The following ABCB9 variants were observed in gnomAD, a reference collection of about 807,000 sequenced individuals.
The protein encoded by ABCB9 is ABC-type oligopeptide transporter ABCB9.
Under a neutral mutation model 62.0 loss-of-function variants are expected in ABCB9, and 36 were observed. The observed-to-expected ratio is 0.58, with a 90% confidence interval of 0.45 to 0.77. The LOEUF (loss-of-function observed/expected upper bound fraction) is 0.77. Ranked by LOEUF, ABCB9 falls within the 30% of genes least tolerant of loss-of-function variation. The probability of loss-of-function intolerance (pLI) is 0.00; values close to 1 mark genes in which losing one functional copy is unlikely to be tolerated. For missense variants in ABCB9, 943 were observed against 1,054.7 expected, an observed-to-expected ratio of 0.89 and a Z score of 1.47; for synonymous variants, 435 against 461.4, an observed-to-expected ratio of 0.94 and a Z score of 0.73.
At chr12:122,965,424 G>A (rs1414831640) in intron 1 of ABCB9, among the ~76,000 whole-genome samples, 3 of 152,210 alleles carry the variant, frequency 2.0e-5, no homozygotes. Flanking sequence ...CTGGGTGGGA[G>A]GGCCTGACTG....
downstream of ABCB9, among the ~76,000 whole-genome samples, chr12:122,926,683 G>A (rs886279654): frequency 2.0e-5 from 3 of 151,328 alleles, no homozygotes; most frequent in African/African-American, 7.3e-5. Flanking sequence ...GAGGCCAGGG[G>A]TTTGAGACCA....
At chr12:122,933,703 C>T (rs562643353) in intron 10 of ABCB9, among the ~76,000 whole-genome samples, 8 of 151,672 alleles carry the variant, frequency 5.3e-5, no homozygotes, top group Middle Eastern at 3.2e-3. Flanking sequence ...AAGTTCATAT[C>T]GAGGTAATTT....
At chr12:122,948,902 GCCTCTGAGA>G in intron 4 of ABCB9, 73 bp from the exon 5 acceptor site, 1 of 1,313,424 alleles carries the variant, frequency 7.6e-7, no homozygotes, top group East Asian at 2.9e-5. Flanking sequence ...ATGCTAAGGG[GCCTCTGAGA>G]CAGACACTGG....
intron 2 of ABCB9, 163 bp from the exon 3 acceptor site, chr12:122,950,728 T>C: frequency 1.7e-6 from 1 of 587,784 alleles, no homozygotes; most frequent in Non-Finnish European, 3.0e-6. Flanking sequence ...CCCAGGGTGC[T>C]TAATGCCCCC....
At chr12:122,923,414 G>A (rs1321166828) in intron 11 of ABCB9, among the ~76,000 whole-genome samples, 1 of 152,284 alleles carries the variant, frequency 6.6e-6, no homozygotes, top group South Asian at 2.1e-4. Flanking sequence ...AGCCTCCCGA[G>A]TAGCTGGGAC....
intron 2 of ABCB9, chr12:122,952,059 C>A: frequency 6.5e-6 from 1 of 152,762 alleles, no homozygotes; most frequent in South Asian, 1.9e-4. Context: ...CAGCAGTCTT[C>A]CCCTCCAGAG....
At position 122,940,830 on chromosome 12, in the gene ABCB9, G is replaced by A. The variant is rs930732316; in HGVS notation, c.1546C>T (p.Arg516Trp). 8 of 1,600,732 alleles carry A rather than the reference G, an allele frequency of 5.0e-6. No individual in the cohort carries two copies. Among genetic ancestry groups the A allele is most frequent in the African/African-American group, 2.7e-5 (2 of 74,720 alleles). The change falls in exon 8 of 12, where the codon CGG becomes TGG. Residue 516 changes from arginine (R) to tryptophan (W), a missense_variant. Arg to Trp is a moderately radical substitution (Grantham distance 101, BLOSUM62 -3). Transcript: ENST00000280560. The surrounding 1 kb of genome is among the most constrained non-coding windows in gnomAD (Gnocchi z 4.8). ...ACCTGCAGGACCTGGGTGTGGGGCC[G>A]AGTGCGGTAGGTGAAGGTCACATTC... ...FENVTFTYRT[R>W]PHTQVLQNVS...
At chr12:122,920,557 A>T (rs2034723385), downstream of ABCB9, among the ~76,000 whole-genome samples, 1 of 152,118 alleles carries the variant, frequency 6.6e-6, no homozygotes, top group African/African-American at 2.4e-5. Context: ...AAAAAACTGC[A>T]TTAACCGTAG....
At chr12:122,945,934 AC>A in intron 6 of ABCB9, 90 bp downstream of exon 6, 8 of 1,302,438 alleles carry the variant, frequency 6.1e-6, no homozygotes, top group Non-Finnish European at 8.6e-6. Flanking sequence ...CTTGACACCA[AC>A]ATGCAGGACT....
intron 1 of ABCB9, among the ~76,000 whole-genome samples, chr12:122,965,463 G>C (rs367563306): frequency 6.6e-6 from 1 of 152,192 alleles, no homozygotes; most frequent in Admixed American, 6.5e-5. Flanking sequence ...GGGCAGGAGC[G>C]GGCTGGGTCT....
chr12:122,940,381 A>C lies in ABCB9; in HGVS notation c.1570-97T>G, dbSNP rs1594007564. 7.1e-7 allele frequency: 1 copy of C among 1,408,660 alleles called. No individual in the cohort carries two copies. The highest frequency in any genetic ancestry group is 9.5e-7 in the Non-Finnish European group (1 of 1,050,136). 87.3% of individuals were successfully genotyped at this position (1,408,660 alleles called of 1,614,324 possible). On this transcript the variant is annotated intron_variant, in intron 8 of 11. Coordinates refer to ENST00000280560, the MANE Select transcript of ABCB9 (RefSeq NM_019625.4). The surrounding 1 kb of genome is among the most constrained non-coding windows in gnomAD (Gnocchi z 4.8). ...CACAGGTGGGTGCCCTTCCCAGCCC[A>C]CCCCATGTGCCTCTCCCTCGCTTGG...
In ABCB9 at chr12:122,948,841, G is replaced by A. The variant is rs750789572; in HGVS notation, c.848-12C>T. 5.8e-6 allele frequency: 9 copies of A among 1,538,686 alleles called. No homozygotes were observed. Among genetic ancestry groups the A allele is most frequent in the Admixed American group, 1.9e-5 (1 of 52,460 alleles). On this transcript the variant is annotated splice_polypyrimidine_tract_variant and intron_variant, in intron 4 of 11. Coordinates refer to ENST00000280560, the MANE Select transcript of ABCB9 (RefSeq NM_019625.4). ...GGAGATGAGGTCCCCTGGAACACAC[G>A]CGGCTCAGCTCTCACCACAGCAACC... is the stretch of plus-strand genomic sequence containing the variant.
chr12:122,925,665 A>G (rs767420774), downstream of ABCB9, among the ~76,000 whole-genome samples: 26 of 152,138 alleles, frequency 1.7e-4, no homozygotes, highest in South Asian at 8.3e-4. Context: ...GGAGAATGGC[A>G]TGAACCCGGG....
Position 122,964,475 on chromosome 12 carries a change from G to C in ABCB9, c.-88+1812C>G, listed in dbSNP as rs2037070075. Among the ~76,000 whole-genome samples, 1 of 152,302 alleles carries C rather than the reference G, an allele frequency of 6.6e-6. No homozygotes were observed. The highest frequency in any genetic ancestry group is 2.1e-4 in the South Asian group (1 of 4,824). On this transcript the variant is annotated intron_variant, in intron 1 of 11. Coordinates refer to ENST00000280560, the MANE Select transcript of ABCB9 (RefSeq NM_019625.4). This position sits in a 1 kb window ranked among gnomAD's most constrained non-coding sequence, Gnocchi z 4.7. The stretch of plus-strand genomic sequence containing the variant: ...TGGGGCAGAGCAGTGCTAGCACCTG[G>C]GTCCCTGCCCCCAAGCACTAGTCCT...
At chr12:122,928,125 C>G (rs2034959245), downstream of ABCB9, among the ~76,000 whole-genome samples, 1 of 152,012 alleles carries the variant, frequency 6.6e-6, no homozygotes, top group Admixed American at 6.6e-5. Context: ...TGAGATCAGC[C>G]CGGATTATCT....
At chr12:122,936,155 G>A (rs922481545) in intron 9 of ABCB9, among the ~76,000 whole-genome samples, 5 of 152,116 alleles carry the variant, frequency 3.3e-5, no homozygotes, top group African/African-American at 1.2e-4. Context: ...TCCATAAATG[G>A]GGATTGGTTA....
At chr12:122,933,541 G>A (rs940909785) in intron 10 of ABCB9, among the ~76,000 whole-genome samples, 3 of 151,310 alleles carry the variant, frequency 2.0e-5, no homozygotes, top group African/African-American at 4.9e-5. Flanking sequence ...GCGACAGAGC[G>A]AGACTCCATC....
chr12:122,919,145 T>C (rs2034687613), downstream of ABCB9, among the ~76,000 whole-genome samples: 1 of 152,180 alleles, frequency 6.6e-6, no homozygotes, highest in Non-Finnish European at 1.5e-5. Context: ...TATCCATTCA[T>C]ACATTGGATT....
At chr12:122,936,531 T>A (rs1448954247) in intron 9 of ABCB9, among the ~76,000 whole-genome samples, 1 of 152,122 alleles carries the variant, frequency 6.6e-6, no homozygotes, top group African/African-American at 2.4e-5. Flanking sequence ...TTTGGGAGGC[T>A]AAGGTGGGAG....
Sources: gnomAD v4.1 joint callset for allele counts (sites outside exome capture counted in the v4.1 genomes callset) on GRCh38, gnomAD v4.1.1 for gene constraint, Gnocchi (gnomAD v3.1) non-coding constraint, MANE v1.5 for transcripts, NCBI Gene and HGNC (gene_info 2026-07-23, HGNC 2026-07-21) for gene names.